Variants in ECHDC1 observed in about 807,000 individuals in gnomAD.
ECHDC1 encodes ethylmalonyl-CoA decarboxylase 1.
Under a neutral mutation model 29.7 loss-of-function variants are expected in ECHDC1, and 29 were observed. The ratio of observed to expected loss-of-function variants is 0.98; its 90% CI spans 0.73 to 1.33. The LOEUF is 1.33. Ranked by LOEUF, ECHDC1 falls within the 40% of genes most tolerant of loss-of-function variation. ECHDC1 has a pLI of 0.00. For synonymous variants in ECHDC1, 126 were observed against 123.1 expected (o/e 1.02, Z -0.15); for missense variants, 328 against 350.0 (o/e 0.94, Z 0.50).
chr6:127,318,879 T>C (rs972903167), intron 3 of ECHDC1, among the ~76,000 whole-genome samples: 1 of 152,348 alleles, frequency 6.6e-6, no homozygotes, highest in South Asian at 2.1e-4. Context: ...GGAAGATCAG[T>C]GTATCTCACG....
At chr6:127,340,749 T>G (rs1017614951) in intron 1 of ECHDC1, among the ~76,000 whole-genome samples, 1 of 152,290 alleles carries the variant, frequency 6.6e-6, no homozygotes, top group South Asian at 2.1e-4. Context: ...AAAGTTTTTT[T>G]TTTTTTTGCC....
At chr6:127,321,719 C>T (rs1297701516) in intron 3 of ECHDC1, among the ~76,000 whole-genome samples, 4 of 152,100 alleles carry the variant, frequency 2.6e-5, no homozygotes, top group East Asian at 3.9e-4. Context: ...AGCTGGACGT[C>T]GGGCCAGGTG....
chr6:127,318,010 T>A (rs1159223535), intron 3 of ECHDC1: 1 of 152,186 alleles, frequency 6.6e-6, no homozygotes, highest in African/African-American at 2.4e-5. Context: ...TGTATTTAAT[T>A]TCTTTTTCCT....
chr6:127,327,544 G>A (rs1285035220), intron 2 of ECHDC1, among the ~76,000 whole-genome samples: 1 of 152,112 alleles, frequency 6.6e-6, no homozygotes, highest in African/African-American at 2.4e-5. Context: ...AAAGCTTTAT[G>A]GGTATAACAT....
At chr6:127,317,038 T>C (rs1350770303) in intron 3 of ECHDC1, among the ~76,000 whole-genome samples, 1 of 152,146 alleles carries the variant, frequency 6.6e-6, no homozygotes, top group Non-Finnish European at 1.5e-5. Flanking sequence ...TCTGGCCCTC[T>C]GCCTTATCCC....
chr6:127,331,554 T>C (rs1783946876), intron 1 of ECHDC1, among the ~76,000 whole-genome samples: 1 of 152,166 alleles, frequency 6.6e-6, no homozygotes, highest in African/African-American at 2.4e-5. Context: ...CATTTCAGTA[T>C]ATATCACTAA....
intron 5 of ECHDC1, among the ~76,000 whole-genome samples, chr6:127,291,373 C>CTT (rs1780166071): frequency 6.7e-6 from 1 of 148,702 alleles, no homozygotes; most frequent in Non-Finnish European, 1.5e-5. Flanking sequence ...TCATGGTACA[C>CTT]ATAATAGCTA....
At chr6:127,302,044 C>G (rs1172285411) in intron 5 of ECHDC1, among the ~76,000 whole-genome samples, 1 of 152,108 alleles carries the variant, frequency 6.6e-6, no homozygotes, top group East Asian at 1.9e-4. Flanking sequence ...TAGGCAGTAC[C>G]CTCAGACATC....
chr6:127,333,913 T>C (rs759823558), intron 1 of ECHDC1, among the ~76,000 whole-genome samples: 1 of 152,240 alleles, frequency 6.6e-6, no homozygotes, highest in Non-Finnish European at 1.5e-5. Context: ...TTTCATTTTG[T>C]GTTTCTATAA....
At chr6:127,294,198 C>G (rs961580096) in intron 5 of ECHDC1, among the ~76,000 whole-genome samples, 11 of 152,144 alleles carry the variant, frequency 7.2e-5, no homozygotes, top group African/African-American at 2.7e-4. Flanking sequence ...TTTGGAATCA[C>G]TGATTTAAAT....
At chr6:127,295,619 T>G (rs912097264) in intron 5 of ECHDC1, among the ~76,000 whole-genome samples, 2 of 152,244 alleles carry the variant, frequency 1.3e-5, no homozygotes, top group African/African-American at 4.8e-5. Context: ...TTATACTCAT[T>G]GTAAGAAAGG....
intron 3 of ECHDC1, among the ~76,000 whole-genome samples, chr6:127,318,217 A>G (rs901689455): frequency 6.6e-6 from 1 of 152,052 alleles, no homozygotes; most frequent in Non-Finnish European, 1.5e-5. Flanking sequence ...AACACCTTAC[A>G]CTTATTGTGG....
intron 5 of ECHDC1, among the ~76,000 whole-genome samples, chr6:127,291,412 G>T (rs1582920048): frequency 6.6e-6 from 1 of 151,534 alleles, no homozygotes; most frequent in African/African-American, 2.4e-5. Context: ...ATACCAGTAA[G>T]AAAGTTATTG....
chr6:127,304,191 G>A (rs979235822), intron 5 of ECHDC1, among the ~76,000 whole-genome samples: 1 of 152,198 alleles, frequency 6.6e-6, no homozygotes, highest in Non-Finnish European at 1.5e-5. Flanking sequence ...ACGGGGCTCA[G>A]CAGAGAGAGA....
intron 5 of ECHDC1, among the ~76,000 whole-genome samples, chr6:127,309,433 T>A (rs1169317856): frequency 3.1e-5 from 2 of 64,394 alleles, no homozygotes; most frequent in Non-Finnish European, 6.6e-5. Flanking sequence ...CAGACAAAAA[T>A]CAAATCAAAA....
chr6:127,325,904 T>C (rs1218049744), intron 3 of ECHDC1, among the ~76,000 whole-genome samples: 2 of 152,074 alleles, frequency 1.3e-5, no homozygotes, highest in Non-Finnish European at 2.9e-5. Flanking sequence ...GGACTGGCTA[T>C]GTTGTCCAGG....
chr6:127,309,402 T>A (rs1169743239), intron 5 of ECHDC1, among the ~76,000 whole-genome samples: 5 of 148,382 alleles, frequency 3.4e-5, no homozygotes, highest in Non-Finnish European at 7.4e-5. Flanking sequence ...AAGAATGAAA[T>A]TAGACCCCTA....
intron 2 of ECHDC1, among the ~76,000 whole-genome samples, chr6:127,330,403 T>A (rs934018243): frequency 6.6e-6 from 1 of 152,186 alleles, no homozygotes; most frequent in African/African-American, 2.4e-5. Context: ...CAGAAAAAAA[T>A]TAAGCTAAAT....
chr6:127,337,252 T>C (rs999322278), intron 1 of ECHDC1, among the ~76,000 whole-genome samples: 17 of 152,168 alleles, frequency 1.1e-4, no homozygotes, highest in African/African-American at 4.1e-4. Flanking sequence ...TTCCTTCCTT[T>C]CTTTCCAGAT....
Sources: gnomAD v4.1 joint callset for allele counts (sites outside exome capture counted in the v4.1 genomes callset) on GRCh38, gnomAD v4.1.1 for gene constraint, MANE v1.5 for transcripts, NCBI Gene and HGNC (gene_info 2026-07-23, HGNC 2026-07-21) for gene names.